The following ADGRG5 variants were observed in gnomAD, a reference collection of about 807,000 sequenced individuals.
ADGRG5 encodes the protein adhesion G protein-coupled receptor G5.
A neutral mutation model predicts 53.2 loss-of-function variants in ADGRG5; 37 were observed. The observed-to-expected ratio is 0.70, with a 90% CI of 0.53 to 0.91. The LOEUF is 0.91. Among genes scored for constraint, ADGRG5 ranks in the 40% least tolerant of loss-of-function variants. ADGRG5 has a pLI of 0.00. For missense variants in ADGRG5, 614 were observed against 675.8 expected (o/e 0.91, Z 1.01); for synonymous variants, 277 against 290.4 (o/e 0.95, Z 0.47).
intron 9 of ADGRG5, among the ~76,000 whole-genome samples, chr16:57,570,128 C>T (rs143683910): frequency 0.033 from 4,994 of 152,262 alleles, 140 homozygotes; most frequent in Non-Finnish European, 0.048. Flanking sequence ...ATTTCTATTT[C>T]CTCAGCAGTT....
At position 57,574,736 on chromosome 16, in the gene ADGRG5, T is replaced by C; in HGVS notation, c.1209-79T>C. On this transcript the variant is annotated intron_variant, in intron 10 of 11. Transcript: ENST00000349457. The surrounding 1 kb of genome is among the most constrained non-coding windows in gnomAD (Gnocchi z 4.4). ...ATAGGGCCTGAGCCAGGAGACCGAG[T>C]GGGGCTTCAGGGAGTGATGCTGGCC... 7.0e-7 allele frequency: 1 copy of C among 1,433,870 alleles called. No homozygotes were observed. Among genetic ancestry groups the C allele is most frequent in the East Asian group, 2.3e-5 (1 of 43,108 alleles). 88.8% of individuals were successfully genotyped at this position (1,433,870 alleles called of 1,614,324 possible).
At chr16:57,539,832 A>G (rs2032464390), upstream of ADGRG5, among the ~76,000 whole-genome samples, 1 of 151,368 alleles carries the variant, frequency 6.6e-6, no homozygotes, top group Non-Finnish European at 1.5e-5. Context: ...ATATATATAT[A>G]TATCTTACCA....
chr16:57,553,129 G>T (rs1293113262), intron 1 of ADGRG5, among the ~76,000 whole-genome samples: 1 of 152,090 alleles, frequency 6.6e-6, no homozygotes, highest in African/African-American at 2.4e-5. Context: ...TAATGAAAAA[G>T]TTTGAAATAT....
intron 4 of ADGRG5, among the ~76,000 whole-genome samples, chr16:57,563,633 G>A (rs529792609): frequency 3.3e-5 from 5 of 152,216 alleles, no homozygotes; most frequent in Non-Finnish European, 7.3e-5. Context: ...ATCTTCAGGG[G>A]TTCAGTGGGT....
chr16:57,560,917 C>G (rs1405190524), intron 1 of ADGRG5, among the ~76,000 whole-genome samples: 1 of 152,180 alleles, frequency 6.6e-6, no homozygotes, highest in Admixed American at 6.5e-5. Context: ...GCTGGAGACA[C>G]AAGTGCAGGC....
At chr16:57,549,463 C>T (rs2032697372) in intron 1 of ADGRG5, among the ~76,000 whole-genome samples, 1 of 152,184 alleles carries the variant, frequency 6.6e-6, no homozygotes, top group African/African-American at 2.4e-5. Context: ...TGTTGACTTC[C>T]TTTCTCTAAG....
the ADGRG5 span, among the ~76,000 whole-genome samples, chr16:57,537,328 A>G: frequency 6.6e-6 from 1 of 151,226 alleles, no homozygotes; most frequent in Non-Finnish European, 1.5e-5. Flanking sequence ...AATCTATTTA[A>G]AAGAAGACCA....
At chr16:57,567,388 G>A in intron 7 of ADGRG5, 82 bp from the exon 8 acceptor site, 1 of 1,493,620 alleles carries the variant, frequency 6.7e-7, no homozygotes, top group African/African-American at 1.4e-5. Flanking sequence ...TGGAGAGGAG[G>A]CCTCAGGAGG....
chr16:57,533,476 ACATT>A, the ADGRG5 span, among the ~76,000 whole-genome samples: 5 of 150,944 alleles, frequency 3.3e-5, no homozygotes, highest in East Asian at 3.9e-4. Flanking sequence ...AGTAATGCAC[ACATT>A]CACACACACA....
Position 57,544,775 on chromosome 16 carries a change from TTTTG to T in ADGRG5, c.-39+2090_-39+2093del, listed in dbSNP as rs1468550122. ...TTTGCCTCCCCAAACCTTTCTGTTT[TTTTG>T]TTTGTTTGTTTGTTTTGTTTTGCTT... On this transcript the variant is annotated intron_variant, in intron 1 of 11. Coordinates refer to ENST00000349457, the MANE Select transcript of ADGRG5 (RefSeq NM_001304376.3). Among the ~76,000 whole-genome samples the T allele has an allele frequency of 2.6e-3, 397 of 152,236 alleles. 2 individuals carry two copies. The highest frequency in any genetic ancestry group is 9.3e-3 in the African/African-American group (386 of 41,548).
At chr16:57,559,763 G>T (rs1257411440) in intron 1 of ADGRG5, among the ~76,000 whole-genome samples, 1 of 151,222 alleles carries the variant, frequency 6.6e-6, no homozygotes, top group Non-Finnish European at 1.5e-5. Flanking sequence ...AAAAGATTTT[G>T]TATATTATTT....
At chr16:57,542,984 T>G (rs1312500107) in intron 1 of ADGRG5, 2 of 152,284 alleles carry the variant, frequency 1.3e-5, no homozygotes, top group Non-Finnish European at 2.9e-5. Context: ...CTGGGACAAG[T>G]GAAGAGAGGT....
At chr16:57,571,855 G>T (rs1261671588) in intron 10 of ADGRG5, among the ~76,000 whole-genome samples, 1 of 151,896 alleles carries the variant, frequency 6.6e-6, no homozygotes, top group Admixed American at 6.6e-5. Flanking sequence ...ATGTTGGCCA[G>T]ACTGGTCTCA....
In ADGRG5 at chr16:57,575,429, C is replaced by T; in HGVS notation, c.1487-9C>T. 2 of 1,613,658 alleles carry T rather than the reference C, an allele frequency of 1.2e-6. No homozygotes were observed. The highest frequency in any genetic ancestry group is 2.7e-5 in the African/African-American group (2 of 75,048). Reference sequence around the variant, plus strand: ...GCTGCCCCGTGGAACTCCCGCCTTTCTCTTGCAGGTTTCTTCCTTTTCCTG... The same window carrying T: ...GCTGCCCCGTGGAACTCCCGCCTTTTTCTTGCAGGTTTCTTCCTTTTCCTG... On this transcript the variant is annotated splice_polypyrimidine_tract_variant and intron_variant, in intron 11 of 11. Transcript: ENST00000349457.
chr16:57,570,646 G>A, intron 10 of ADGRG5, 111 bp downstream of exon 10: 1 of 789,660 alleles, frequency 1.3e-6, no homozygotes, highest in South Asian at 1.5e-5. Context: ...GTGGGGCAGA[G>A]AGGGAGCTGG....
intron 11 of ADGRG5, 126 bp downstream of exon 11, chr16:57,575,218 A>G: frequency 7.0e-6 from 8 of 1,142,494 alleles, no homozygotes; most frequent in Non-Finnish European, 9.9e-6. Context: ...CCACAGCTCC[A>G]CTAGCTAAGC....
intron 10 of ADGRG5, among the ~76,000 whole-genome samples, chr16:57,573,147 C>G (rs1245334075): frequency 2.0e-5 from 3 of 151,980 alleles, no homozygotes; most frequent in African/African-American, 7.2e-5. Flanking sequence ...AAGAATTGGA[C>G]AAGCCTGGGC....
chr16:57,573,442 A>AAAAAAAGG (rs1241431527), intron 10 of ADGRG5, among the ~76,000 whole-genome samples: 1 of 151,834 alleles, frequency 6.6e-6, no homozygotes, highest in Non-Finnish European at 1.5e-5. Context: ...AAAAAAAAAA[A>AAAAAAAGG]AAAAAGGAAA....
upstream of ADGRG5, among the ~76,000 whole-genome samples, chr16:57,539,040 A>T (rs556637329): frequency 3.9e-5 from 6 of 152,254 alleles, no homozygotes; most frequent in South Asian, 1.2e-3. Context: ...TGATTGTAGC[A>T]TTATTCACAA....
Sources: allele counts gnomAD v4.1 joint callset (sites outside exome capture counted in the v4.1 genomes callset), GRCh38; gene constraint gnomAD v4.1.1; non-coding constraint Gnocchi (gnomAD v3.1); transcripts MANE v1.5; gene names NCBI Gene and HGNC (gene_info 2026-07-23, HGNC 2026-07-21).